NUCB1: variants seen among roughly 807,000 people sequenced by gnomAD.
The protein encoded by NUCB1 is nucleobindin-1.
Under a neutral mutation model 61.2 loss-of-function variants are expected in NUCB1, and 47 were observed. The observed-to-expected ratio is 0.77, with a 90% CI of 0.61 to 0.98. The LOEUF (loss-of-function observed/expected upper bound fraction) is 0.98, where lower values mean the gene tolerates loss of function less well. Ranked by LOEUF, NUCB1 falls within the 50% of genes least tolerant of loss-of-function variation. NUCB1 has a pLI of 0.00. For synonymous variants in NUCB1, 234 were observed against 243.1 expected (o/e 0.96, Z 0.35); for missense variants, 583 against 605.3 (o/e 0.96, Z 0.39).
chr19:48,919,341 CCTTT>C (rs2037580181), intron 10 of NUCB1, 55 bp downstream of exon 10: 2 of 1,381,546 alleles, frequency 1.4e-6, no homozygotes, highest in African/African-American at 1.4e-5. Context: ...CTAGCCATGA[CCTTT>C]CTTTCAGAAT....
chr19:48,905,968 CTAGGCAGGT>C, intron 4 of NUCB1, 83 bp downstream of exon 4: 3 of 1,102,344 alleles, frequency 2.7e-6, no homozygotes, highest in Non-Finnish European at 3.5e-6. Flanking sequence ...TGGTTGTGTG[CTAGGCAGGT>C]GAGGCCTCCC....
At position 48,913,013 on chromosome 19, in the gene NUCB1, C is replaced by T. The variant is rs762950131; in HGVS notation, c.483C>T (p.Ala161=). ...AATGACCCTGTGCCTTTCCCCAGGC[C>T]ACCCGGGACCTTGCCCAGTACGACG... ...ARDLELLIQT[A]TRDLAQYDAA... The change falls in exon 6 of 13, where the codon GCC becomes GCT. Residue 161 remains alanine, a splice_region_variant and synonymous_variant. Coordinates refer to ENST00000405315, the MANE Select transcript of NUCB1 (RefSeq NM_006184.6). 13 of 1,602,582 alleles carry T rather than the reference C, an allele frequency of 8.1e-6. No homozygotes were observed. The highest frequency in any genetic ancestry group is 2.2e-5 in the East Asian group (1 of 44,646).
Position 48,922,571 on chromosome 19 carries a change from G to A in NUCB1, c.*147G>A. The A allele has an allele frequency of 3.1e-6, 2 of 637,612 alleles. No homozygotes were observed. Among genetic ancestry groups the A allele is most frequent in the South Asian group, 1.8e-5 (1 of 55,600 alleles). 39.5% of individuals were successfully genotyped at this position (637,612 alleles called of 1,614,324 possible). On this transcript the variant is annotated 3_prime_UTR_variant, in exon 13 of 13. Transcript: ENST00000405315. ...ACGGCCTGGCATTTCACGCATTGCTGCCACCCCAGGTCCACCTGTCTCCAC... is the reference window on the plus strand; with the variant it reads ...ACGGCCTGGCATTTCACGCATTGCTACCACCCCAGGTCCACCTGTCTCCAC...
Position 48,913,559 on chromosome 19 carries a change from T to C in NUCB1, c.752T>C (p.Leu251Pro). 6.2e-7 allele frequency: 1 copy of C among 1,613,152 alleles called. No homozygotes were observed. Among genetic ancestry groups the C allele is most frequent in the Non-Finnish European group, 8.5e-7 (1 of 1,179,120 alleles). The change falls in exon 7 of 13, where the codon CTG becomes CCG. Residue 251 changes from leucine to proline, a missense_variant. By Grantham distance (98) the Leu-to-Pro change is moderately conservative. Coordinates refer to ENST00000405315, the MANE Select transcript of NUCB1 (RefSeq NM_006184.6). ...NRFNPKTFFI[L>P]HDINSDGVLD... ...TTTAACCCCAAGACCTTCTTCATAC[T>C]GCATGGTAAGGTGGGGAGGGAGTTC...
At chr19:48,903,841 G>A (rs1302438424) in intron 2 of NUCB1, among the ~76,000 whole-genome samples, 3 of 139,972 alleles carry the variant, frequency 2.1e-5, no homozygotes, top group African/African-American at 5.3e-5. Flanking sequence ...TGGATGAGTG[G>A]ATGGATGGAT....
intron 3 of NUCB1, among the ~76,000 whole-genome samples, chr19:48,904,997 G>A (rs778899680): frequency 6.6e-6 from 1 of 152,198 alleles, no homozygotes; most frequent in African/African-American, 2.4e-5. Context: ...TCGCAGCTCC[G>A]CCGCTTACCA....
At position 48,918,855 on chromosome 19, in the gene NUCB1, C is replaced by G. The variant is rs1260167304; in HGVS notation, c.816+71C>G. ...AGCCACTTGTTTCCTCCTGCAGTCC[C>G]CTTAAATCCCCCTGGATGGGAGCTC... is the stretch of plus-strand genomic sequence containing the variant. On this transcript the variant is annotated intron_variant, in intron 8 of 12. Transcript: ENST00000405315. 16 of 1,441,820 alleles carry G rather than the reference C, an allele frequency of 1.1e-5. No homozygotes were observed. The Admixed American group carries it at 2.4e-4, about 22-fold the overall frequency. 89.3% of individuals were successfully genotyped at this position (1,441,820 alleles called of 1,614,324 possible).
At chr19:48,918,395 G>A (rs1488602506) in intron 7 of NUCB1, 1 of 249,244 alleles carries the variant, frequency 4.0e-6, no homozygotes, top group African/African-American at 2.2e-5. Context: ...TTGTCTGGGA[G>A]GCAGAGGTCC....
intron 2 of NUCB1, among the ~76,000 whole-genome samples, chr19:48,901,959 G>A (rs748810673): frequency 1.5e-4 from 23 of 152,076 alleles, no homozygotes; most frequent in African/African-American, 1.9e-4. Context: ...TCTATGAGCC[G>A]GGCATAGTGT....
In NUCB1 at chr19:48,905,891, C is replaced by T. The variant is rs1349669109; in HGVS notation, c.376+6C>T. 16 of 1,044,540 alleles carry T rather than the reference C, an allele frequency of 1.5e-5. No homozygotes were observed. Among genetic ancestry groups the T allele is most frequent in the South Asian group, 3.7e-5 (3 of 80,900 alleles). The allele number at this position is 1,044,540 out of a possible 1,614,324, so 64.7% of individuals were successfully genotyped here. A position where few individuals can be genotyped will look rare whatever the true frequency, so the allele number is the denominator to read the frequency against. Reference sequence around the variant, plus strand: ...GGACGCCGAGCAGGATCCCAGTGAGCAGGGGCAGGGCGGGAGGGACAGGCA... The same window carrying T: ...GGACGCCGAGCAGGATCCCAGTGAGTAGGGGCAGGGCGGGAGGGACAGGCA... On this transcript the variant is annotated splice_donor_region_variant and intron_variant, in intron 4 of 12. Coordinates refer to ENST00000405315, the MANE Select transcript of NUCB1 (RefSeq NM_006184.6).
intron 5 of NUCB1, 94 bp downstream of exon 5, chr19:48,911,346 C>A: frequency 1.2e-6 from 1 of 812,088 alleles, no homozygotes; most frequent in Non-Finnish European, 2.1e-6. Flanking sequence ...GCTCACCATT[C>A]CTGCTGGTGT....
In NUCB1 at chr19:48,905,805, A is replaced by G; in HGVS notation, c.296A>G (p.Lys99Arg). 1 of 1,613,542 alleles carries G rather than the reference A, an allele frequency of 6.2e-7. No homozygotes were observed. The highest frequency in any genetic ancestry group is 2.2e-5 in the East Asian group (1 of 44,824). The part of the protein sequence containing the change: ...LDFVSHHVRT[K>R]LDELKRQEVS... ...TTTGTCAGCCACCACGTCCGCACCAAGCTGGATGAGCTCAAGCGACAGGAG... is the reference window on the plus strand; with the variant it reads ...TTTGTCAGCCACCACGTCCGCACCAGGCTGGATGAGCTCAAGCGACAGGAG... The change falls in exon 4 of 13, where the codon AAG becomes AGG. Residue 99 changes from lysine (K) to arginine (R), a missense_variant. Lys to Arg is a conservative substitution (Grantham distance 26). Coordinates refer to ENST00000405315, the MANE Select transcript of NUCB1 (RefSeq NM_006184.6).
Position 48,904,465 on chromosome 19 carries a change from G to A in NUCB1, c.243+11G>A, listed in dbSNP as rs957494365. The A allele has an allele frequency of 6.3e-7, 1 of 1,582,764 alleles. No individual in the cohort carries two copies. The highest frequency in any genetic ancestry group is 8.7e-7 in the Non-Finnish European group (1 of 1,153,416). On this transcript the variant is annotated intron_variant, in intron 3 of 12. Coordinates refer to ENST00000405315, the MANE Select transcript of NUCB1 (RefSeq NM_006184.6). ...GCGGAGGACATCAAGGTGCGGCTGG[G>A]GGAGTGGGGGCTGTGGGAGGGGTAC...
chr19:48,917,792 G>A (rs1294230139), intron 7 of NUCB1, among the ~76,000 whole-genome samples: 8 of 151,018 alleles, frequency 5.3e-5, no homozygotes, highest in Non-Finnish European at 8.8e-5. Context: ...CACCGCACCC[G>A]GCCCAATTTT....
At chr19:48,908,648 C>CGTGCGTGT (rs1555791381) in intron 4 of NUCB1, among the ~76,000 whole-genome samples, 1 of 86,496 alleles carries the variant, frequency 1.2e-5, no homozygotes. Flanking sequence ...TCTAGCTGCC[C>CGTGCGTGT]GTGTGTGTGT....
In NUCB1 at chr19:48,921,213, G is replaced by A; in HGVS notation, c.1062G>A (p.Leu354=). Residue 354 remains leucine, a synonymous_variant, in exon 11 of 13, where the codon CTG becomes CTA. Coordinates refer to ENST00000405315, the MANE Select transcript of NUCB1 (RefSeq NM_006184.6). ...EEELRRFEEE[L]AAREAELNAK... Reference sequence around the variant, plus strand: ...AGCTGAGGCGCTTTGAAGAGGAGCTGGCTGCCCGGGAGGCAGAGCTGAATG... The same window carrying A: ...AGCTGAGGCGCTTTGAAGAGGAGCTAGCTGCCCGGGAGGCAGAGCTGAATG... The A allele has an allele frequency of 1.2e-6, 2 of 1,613,338 alleles. No individual in the cohort carries two copies. Among genetic ancestry groups the A allele is most frequent in the Non-Finnish European group, 1.7e-6 (2 of 1,179,926 alleles).
chr19:48,918,741 G>C lies in NUCB1; in HGVS notation c.773G>C (p.Gly258Ala), dbSNP rs1482625136. The change falls in exon 8 of 13, where the codon GGT becomes GCT. Residue 258 changes from glycine (G) to alanine (A), a missense_variant. Coordinates refer to ENST00000405315, the MANE Select transcript of NUCB1 (RefSeq NM_006184.6). ...TTCCCTTCAGATATCAACAGTGATG[G>C]TGTCCTGGATGAGCAGGAGCTGGAG... ...FFILHDINSD[G>A]VLDEQELEAL... 1.2e-6 allele frequency: 2 copies of C among 1,613,866 alleles called. No homozygotes were observed. The highest frequency in any genetic ancestry group is 1.7e-6 in the Non-Finnish European group (2 of 1,179,854).
intron 3 of NUCB1, 40 bp downstream of exon 3, chr19:48,904,494 C>G: frequency 1.6e-6 from 2 of 1,257,672 alleles, no homozygotes; most frequent in Non-Finnish European, 1.1e-6. Context: ...GGGGTACGTG[C>G]TGGGAGGGCA....
intron 12 of NUCB1, 143 bp downstream of exon 12, chr19:48,922,075 G>C: frequency 1.4e-6 from 1 of 738,784 alleles, no homozygotes; most frequent in Non-Finnish European, 2.2e-6. Context: ...AGGGACTGGG[G>C]GTCCGGACTC....
Sources: allele counts gnomAD v4.1 joint callset (sites outside exome capture counted in the v4.1 genomes callset), GRCh38; gene constraint gnomAD v4.1.1; transcripts MANE v1.5; gene names NCBI Gene and HGNC (gene_info 2026-07-23, HGNC 2026-07-21).